The following GALNT13 variants were observed in gnomAD, a reference collection of about 807,000 sequenced individuals.
GALNT13 encodes the protein UDP-GalNAc:polypeptide N-acetylgalactosaminyltransferase 13.
In GALNT13, 28 loss-of-function variants were observed where a neutral mutation model predicts 64.2. The ratio of observed to expected loss-of-function variants is 0.44; its 90% CI spans 0.32 to 0.60. The LOEUF (loss-of-function observed/expected upper bound fraction) is 0.60. GALNT13 is among the 20% of genes least tolerant of loss of function. The probability of loss-of-function intolerance (pLI) is 0.05; values close to 1 mark genes in which losing one functional copy is unlikely to be tolerated. For missense variants in GALNT13, 577 were observed against 669.8 expected (o/e 0.86, Z 1.53); for synonymous variants, 214 against 224.6 (o/e 0.95, Z 0.42).
At chr2:153,764,082 T>C in the GALNT13 span, among the ~76,000 whole-genome samples, 4 of 152,196 alleles carry the variant, frequency 2.6e-5, no homozygotes, top group African/African-American at 9.6e-5. Flanking sequence ...TGTTCTCAGA[T>C]GAAGATGAGG....
At chr2:154,049,463 G>GTA (rs946798549) in intron 3 of GALNT13, among the ~76,000 whole-genome samples, 21 of 142,008 alleles carry the variant, frequency 1.5e-4, no homozygotes, top group South Asian at 1.1e-3. Flanking sequence ...ATATATAATG[G>GTA]TATATATATA....
chr2:153,351,252 T>G, the GALNT13 span, among the ~76,000 whole-genome samples: 1 of 152,164 alleles, frequency 6.6e-6, no homozygotes, highest in Non-Finnish European at 1.5e-5. Flanking sequence ...AGGAAACAAG[T>G]GATTATGAAC....
chr2:154,014,274 C>T (rs79561241), intron 3 of GALNT13, among the ~76,000 whole-genome samples: 3,412 of 152,218 alleles, frequency 0.022, 57 homozygotes, highest in Non-Finnish European at 0.033. Context: ...CTCTCGCTGC[C>T]AGATCAAGTG....
At chr2:154,221,445 A>G (rs1467837893) in intron 4 of GALNT13, among the ~76,000 whole-genome samples, 1 of 152,056 alleles carries the variant, frequency 6.6e-6, no homozygotes, top group Non-Finnish European at 1.5e-5. Flanking sequence ...TTTTGCAGGT[A>G]GATATTTCTT....
At chr2:154,034,168 G>A (rs1315629371) in intron 3 of GALNT13, among the ~76,000 whole-genome samples, 1 of 152,016 alleles carries the variant, frequency 6.6e-6, no homozygotes, top group African/African-American at 2.4e-5. Flanking sequence ...AATCTTATAC[G>A]TAAATATTAT....
chr2:154,115,806 G>A (rs146802657), intron 3 of GALNT13, among the ~76,000 whole-genome samples: 3 of 152,222 alleles, frequency 2.0e-5, no homozygotes, highest in Non-Finnish European at 4.4e-5. Flanking sequence ...AGTTCAGCCT[G>A]ATCCAACTCA....
intron 8 of GALNT13, among the ~76,000 whole-genome samples, chr2:154,295,078 TA>T (rs1413722942): frequency 6.6e-6 from 1 of 152,096 alleles, no homozygotes; most frequent in Non-Finnish European, 1.5e-5. Flanking sequence ...AGAGTGGAAA[TA>T]AAGAGCCCTG....
intron 12 of GALNT13, among the ~76,000 whole-genome samples, chr2:154,440,212 G>A (rs1054359676): frequency 1.3e-5 from 2 of 152,202 alleles, no homozygotes; most frequent in South Asian, 4.1e-4. Flanking sequence ...AGAAAATCTA[G>A]AATATATTTA....
At chr2:153,565,885 ATTAC>A in the GALNT13 span, among the ~76,000 whole-genome samples, 1 of 152,182 alleles carries the variant, frequency 6.6e-6, no homozygotes, top group East Asian at 1.9e-4. Flanking sequence ...TGGTTTATTA[ATTAC>A]TTTAAGCAAA....
intron 9 of GALNT13, among the ~76,000 whole-genome samples, chr2:154,302,828 G>C (rs1693519127): frequency 6.6e-6 from 1 of 152,096 alleles, no homozygotes; most frequent in Non-Finnish European, 1.5e-5. Flanking sequence ...AAGTATCATT[G>C]GTGGCCACCT....
the GALNT13 span, among the ~76,000 whole-genome samples, chr2:153,269,264 T>A: frequency 6.6e-6 from 1 of 152,176 alleles, no homozygotes; most frequent in Non-Finnish European, 1.5e-5. Flanking sequence ...CCAGGTAACC[T>A]CTTGAATGCT....
At chr2:153,439,222 C>A in the GALNT13 span, among the ~76,000 whole-genome samples, 1 of 152,124 alleles carries the variant, frequency 6.6e-6, no homozygotes, top group Non-Finnish European at 1.5e-5. Context: ...AGGTGTCAGC[C>A]GCCCCTACTT....
chr2:153,531,188 T>C, the GALNT13 span, among the ~76,000 whole-genome samples: 1 of 152,132 alleles, frequency 6.6e-6, no homozygotes, highest in Non-Finnish European at 1.5e-5. Flanking sequence ...TAAGAATGGA[T>C]GATTTACAAA....
intron 4 of GALNT13, among the ~76,000 whole-genome samples, chr2:154,146,042 G>A (rs531869069): frequency 1.3e-5 from 2 of 151,616 alleles, no homozygotes; most frequent in Non-Finnish European, 2.9e-5. Flanking sequence ...TTTATGTAAT[G>A]TGCTCATGTG....
chr2:153,723,401 G>T, the GALNT13 span, among the ~76,000 whole-genome samples: 2 of 150,368 alleles, frequency 1.3e-5, no homozygotes, highest in Non-Finnish European at 2.9e-5. Context: ...CACAAGACAG[G>T]GATGCCCTCT....
At chr2:153,464,690 G>A in the GALNT13 span, among the ~76,000 whole-genome samples, 2 of 152,044 alleles carry the variant, frequency 1.3e-5, no homozygotes, top group African/African-American at 2.4e-5. Context: ...ACACCATGTT[G>A]TAAAATTAGG....
intron 3 of GALNT13, among the ~76,000 whole-genome samples, chr2:154,065,669 C>G (rs889826029): frequency 3.9e-5 from 6 of 152,116 alleles, no homozygotes; most frequent in Non-Finnish European, 7.4e-5. Context: ...TTTGGGGTCC[C>G]CCTAATGCAG....
intron 3 of GALNT13, among the ~76,000 whole-genome samples, chr2:154,083,110 A>G (rs1701358091): frequency 6.6e-6 from 1 of 152,048 alleles, no homozygotes; most frequent in South Asian, 2.1e-4. Context: ...GAAGGGGTCC[A>G]GTTTCAGTTT....
At chr2:153,787,933 G>A in the GALNT13 span, among the ~76,000 whole-genome samples, 9 of 152,136 alleles carry the variant, frequency 5.9e-5, no homozygotes, top group African/African-American at 2.2e-4. Context: ...AGACATAGGA[G>A]ATTATGTAAA....
Sources: allele counts gnomAD v4.1 joint callset (sites outside exome capture counted in the v4.1 genomes callset), GRCh38; gene constraint gnomAD v4.1.1; transcripts MANE v1.5; gene names NCBI Gene and HGNC (gene_info 2026-07-23, HGNC 2026-07-21).